The following BCAR3 variants were observed in gnomAD, a reference collection of about 807,000 sequenced individuals.
The protein encoded by BCAR3 is BCAR3 adaptor protein, NSP family member, also known as breast cancer anti-estrogen resistance protein 3.
BCAR3 carries 37 observed loss-of-function variants against 80.1 expected under a neutral mutation model. That is an observed-to-expected ratio of 0.46 (90% confidence interval 0.36 to 0.61). The LOEUF (loss-of-function observed/expected upper bound fraction) is 0.61, where lower values mean the gene tolerates loss of function less well. BCAR3 is among the 20% of genes least tolerant of loss of function. BCAR3 has a pLI of 0.00. For synonymous variants in BCAR3, 389 were observed against 418.9 expected, an observed-to-expected ratio of 0.93 and a Z score of 0.87; for missense variants, 978 against 1,068.2, an observed-to-expected ratio of 0.92 and a Z score of 1.18.
At chr1:93,562,768 C>CAAAAAA (rs35374992) in intron 11 of BCAR3, among the ~76,000 whole-genome samples, 5 of 76,884 alleles carry the variant, frequency 6.5e-5, no homozygotes, top group African/African-American at 2.2e-4. Flanking sequence ...GACTCCATCT[C>CAAAAAA]AAAAAAAAAA....
intron 2 of BCAR3, among the ~76,000 whole-genome samples, chr1:93,735,596 C>T (rs2100689475): frequency 6.6e-6 from 1 of 152,194 alleles, no homozygotes; most frequent in East Asian, 1.9e-4. Flanking sequence ...ACATTTAATT[C>T]AATTTATCAA....
chr1:93,604,512 G>A (rs1260490682), intron 3 of BCAR3, among the ~76,000 whole-genome samples: 1 of 152,236 alleles, frequency 6.6e-6, no homozygotes, highest in Non-Finnish European at 1.5e-5. Flanking sequence ...AAGTCTTAGA[G>A]CAGAGCACTC....
rs1337400236 is a variant in BCAR3, at chr1:93,562,113, C to G, written c.*128G>C. The stretch of plus-strand genomic sequence containing the variant: ...TCTGTGCAATTTACACGTTTAATAT[C>G]CTGTGGATACTAAAAGCTTGTATAT... On this transcript the variant is annotated 3_prime_UTR_variant, in exon 12 of 12. Transcript: ENST00000260502. 6.4e-6 allele frequency: 6 copies of G among 944,296 alleles called. No individual in the cohort carries two copies. The highest frequency in any genetic ancestry group is 9.3e-6 in the Non-Finnish European group (6 of 646,294). The allele number at this position is 944,296 out of a possible 1,614,324, so 58.5% of individuals were successfully genotyped here. A position where few individuals can be genotyped will look rare whatever the true frequency, so the allele number is the denominator to read the frequency against.
At chr1:93,613,398 G>C (rs1675012763) in intron 3 of BCAR3, among the ~76,000 whole-genome samples, 2 of 152,158 alleles carry the variant, frequency 1.3e-5, no homozygotes, top group African/African-American at 4.8e-5. Context: ...TTTGAAACCT[G>C]GCTGCAATTT....
intron 2 of BCAR3, among the ~76,000 whole-genome samples, chr1:93,739,869 T>C (rs1651117948): frequency 6.6e-6 from 1 of 151,752 alleles, no homozygotes; most frequent in African/African-American, 2.4e-5. Flanking sequence ...ACCCCGTCTC[T>C]ACAAAAAATA....
intron 3 of BCAR3, chr1:93,614,205 C>T: frequency 8.3e-7 from 1 of 1,202,608 alleles, no homozygotes; most frequent in Non-Finnish European, 1.0e-6. Context: ...TGTGACCAGA[C>T]TTGCTTTCTG....
At chr1:93,607,518 G>C (rs1477445795) in intron 3 of BCAR3, among the ~76,000 whole-genome samples, 1 of 151,936 alleles carries the variant, frequency 6.6e-6, no homozygotes. Flanking sequence ...GGATGCTGCT[G>C]CTGCTCCTCA....
chr1:93,726,628 T>C (rs558854605), intron 2 of BCAR3, among the ~76,000 whole-genome samples: 3 of 152,340 alleles, frequency 2.0e-5, no homozygotes, highest in African/African-American at 7.2e-5. Context: ...CTCACACTTT[T>C]GCCCACAATC....
intron 2 of BCAR3, among the ~76,000 whole-genome samples, chr1:93,672,036 T>A (rs1374875006): frequency 6.6e-6 from 1 of 152,098 alleles, no homozygotes; most frequent in African/African-American, 2.4e-5. Flanking sequence ...TCTTTAACAA[T>A]AAGATATTTT....
chr1:93,737,332 A>T (rs899667015), intron 2 of BCAR3, among the ~76,000 whole-genome samples: 9 of 152,196 alleles, frequency 5.9e-5, no homozygotes, highest in African/African-American at 2.2e-4. Context: ...ATTAGTTACG[A>T]TGAGGACATA....
At chr1:93,563,665 C>G (rs892280262) in intron 11 of BCAR3, among the ~76,000 whole-genome samples, 2 of 152,172 alleles carry the variant, frequency 1.3e-5, no homozygotes, top group African/African-American at 2.4e-5. Flanking sequence ...AGTTTTTCCA[C>G]ATGCTGCCAA....
intron 5 of BCAR3, among the ~76,000 whole-genome samples, chr1:93,587,524 G>T (rs1252705081): frequency 6.6e-6 from 1 of 152,174 alleles, no homozygotes; most frequent in Non-Finnish European, 1.5e-5. Context: ...GCCCAATGTG[G>T]AGCCGGCATT....
intron 2 of BCAR3, among the ~76,000 whole-genome samples, chr1:93,726,153 C>T (rs1650574649): frequency 6.6e-6 from 1 of 152,082 alleles, no homozygotes; most frequent in Admixed American, 6.6e-5. Context: ...CAGCCTTAAC[C>T]TCCTAGGCTC....
intron 2 of BCAR3, among the ~76,000 whole-genome samples, chr1:93,830,082 C>T (rs1654506325): frequency 6.6e-6 from 1 of 152,224 alleles, no homozygotes; most frequent in South Asian, 2.1e-4. Flanking sequence ...TTTCCTGAGG[C>T]CTCCCCAGAA....
chr1:93,634,862 A>C (rs1312583657), intron 3 of BCAR3, among the ~76,000 whole-genome samples: 1 of 152,192 alleles, frequency 6.6e-6, no homozygotes, highest in African/African-American at 2.4e-5. Flanking sequence ...TTCTTTTGTA[A>C]ATTGCCCAGT....
At position 93,796,517 on chromosome 1, in the gene BCAR3, C is replaced by T. The variant is rs1177061937; in HGVS notation, c.-63+49050G>A. 4.7e-5 allele frequency among the ~76,000 whole-genome samples: 7 copies of T among 150,512 alleles called. No homozygotes were observed. In the East Asian group the frequency reaches 5.9e-4, roughly 13 times the overall value. On this transcript the variant is annotated intron_variant, in intron 2 of 13. Transcript: ENST00000370244. ...CAATGCCTCCCCCTGCTTCGGCTCG[C>T]GCACGGTGCGCGCACACACTGGCCT...
intron 2 of BCAR3, among the ~76,000 whole-genome samples, chr1:93,783,421 A>C (rs184984450): frequency 1.5e-3 from 228 of 152,354 alleles, no homozygotes; most frequent in African/African-American, 5.1e-3. Flanking sequence ...TTCTTGCCCT[A>C]GGCTCATGTG....
At chr1:93,642,153 C>G in intron 3 of BCAR3, 151 bp downstream of exon 3, 1 of 852,770 alleles carries the variant, frequency 1.2e-6, no homozygotes, top group Non-Finnish European at 1.9e-6. Context: ...TACCAAAGGC[C>G]TAAGGGAGTC....
intron 2 of BCAR3, among the ~76,000 whole-genome samples, chr1:93,671,250 C>T (rs978317649): frequency 3.3e-5 from 5 of 152,150 alleles, no homozygotes; most frequent in African/African-American, 1.2e-4. Context: ...ACCTCGGCTG[C>T]CCAAAGTGCT....
Sources: allele counts gnomAD v4.1 joint callset (sites outside exome capture counted in the v4.1 genomes callset), GRCh38; gene constraint gnomAD v4.1.1; transcripts MANE v1.5; gene names NCBI Gene and HGNC (gene_info 2026-07-23, HGNC 2026-07-21).